HK2: variants seen among roughly 807,000 people sequenced by gnomAD.
HK2 encodes hexokinase 2, also known as hexokinase-2.
A neutral mutation model predicts 92.9 loss-of-function variants in HK2; 42 were observed. The ratio of observed to expected loss-of-function variants is 0.45; its 90% confidence interval spans 0.35 to 0.58. The LOEUF (loss-of-function observed/expected upper bound fraction) is 0.58. Ranked by LOEUF, HK2 falls within the 20% of genes least tolerant of loss-of-function variation. The pLI is 0.00. For synonymous variants in HK2, 422 were observed against 468.0 expected (o/e 0.90, Z 1.27); for missense variants, 978 against 1,245.1 (o/e 0.79, Z 3.23).
chr2:74,846,804 G>A (rs1688452726), intron 1 of HK2, among the ~76,000 whole-genome samples: 4 of 152,164 alleles, frequency 2.6e-5, no homozygotes, highest in Admixed American at 2.6e-4. Flanking sequence ...GAGCCACTGT[G>A]CCCATCCCAC....
intron 2 of HK2, among the ~76,000 whole-genome samples, chr2:74,856,359 T>A (rs1688695975): frequency 6.6e-6 from 1 of 152,122 alleles, no homozygotes; most frequent in Admixed American, 6.5e-5. Flanking sequence ...ATGACCTTGC[T>A]TAGGATTGTT....
At chr2:74,877,046 G>A (rs1016778912) in intron 7 of HK2, 120 bp from the exon 8 acceptor site, 16 of 1,356,120 alleles carry the variant, frequency 1.2e-5, no homozygotes, top group Middle Eastern at 2.5e-4. Context: ...CTCCTGGGCC[G>A]TGCTGCACAC....
intron 1 of HK2, among the ~76,000 whole-genome samples, chr2:74,835,591 G>A (rs1032677722): frequency 6.6e-6 from 1 of 150,698 alleles, no homozygotes; most frequent in Non-Finnish European, 1.5e-5. Flanking sequence ...CTCATTCCCC[G>A]CCTCGGGGTA....
intron 1 of HK2, among the ~76,000 whole-genome samples, chr2:74,851,742 TTGTCAGGTGTCACCCTCATGACAA>T (rs1295187499): frequency 6.6e-6 from 1 of 152,180 alleles, no homozygotes; most frequent in East Asian, 1.9e-4. Flanking sequence ...GAGAGTGTCT[TTGTCAGGTGTCACCCTCATGACAA>T]TGTTCAGAGA....
intron 8 of HK2, among the ~76,000 whole-genome samples, chr2:74,877,691 C>T (rs1046983235): frequency 1.3e-5 from 2 of 152,182 alleles, no homozygotes; most frequent in African/African-American, 4.8e-5. Flanking sequence ...ATTGGCAATT[C>T]TCAAAAAGGA....
rs549961459 is a variant in HK2 at position 74,881,844 on chromosome 2, C to A, written c.1704C>A (p.His568Gln). 2 of 1,614,158 alleles carry A rather than the reference C, an allele frequency of 1.2e-6. No individual in the cohort carries two copies. The highest frequency in any genetic ancestry group is 1.7e-6 in the Non-Finnish European group (2 of 1,180,006). ...KIYAIPQEVM[H>Q]GTGDELFDHI... ...ACGCCATCCCGCAGGAGGTCATGCA[C>A]GGCACCGGGGACGAGGTGAGCAGGG... The change falls in exon 11 of 18, where the codon CAC (histidine) becomes CAA (glutamine). Residue 568 changes from histidine (H) to glutamine (Q), a missense_variant. His to Gln is a conservative substitution (Grantham distance 24). This residue lies in a region of HK2 where 742 missense variants were observed against 922.5 expected (regional missense o/e 0.80). Coordinates refer to ENST00000290573, the MANE Select transcript of HK2 (RefSeq NM_000189.5).
chr2:74,854,774 A>G (rs1688655779), intron 2 of HK2, among the ~76,000 whole-genome samples: 1 of 152,196 alleles, frequency 6.6e-6, no homozygotes, highest in Non-Finnish European at 1.5e-5. Context: ...GCACGCAGTG[A>G]TGGTGATGAA....
chr2:74,867,689 T>C lies in HK2; in HGVS notation c.280T>C (p.Trp94Arg). The change falls in exon 3 of 18, where the codon TGG (tryptophan) becomes CGG (arginine). Residue 94 changes from tryptophan (W) to arginine (R), a missense_variant. By Grantham distance (101) the Trp-to-Arg change is moderately radical (BLOSUM62 -3). Coordinates refer to ENST00000290573, the MANE Select transcript of HK2 (RefSeq NM_000189.5). ...DLGGTNFRVL[W>R]VKVTDNGLQK... is the part of the protein sequence containing the mutation. Reference sequence around the variant, plus strand: ...TGGAGGGACCAACTTCCGTGTGCTTTGGGTGAAAGTAACGGACAATGGGCT... The same window carrying C: ...TGGAGGGACCAACTTCCGTGTGCTTCGGGTGAAAGTAACGGACAATGGGCT... 6.2e-7 allele frequency: 1 copy of C among 1,614,106 alleles called. No homozygotes were observed. The highest frequency in any genetic ancestry group is 8.5e-7 in the Non-Finnish European group (1 of 1,180,016).
chr2:74,882,160 A>G lies in HK2; in HGVS notation c.1760A>G (p.Glu587Gly). ...GTCCAGTGCATCGCGGACTTCCTCG[A>G]GTACATGGGCATGAAGGGCGTGTCC... ...HIVQCIADFLEYMGMKGVSLP... is the reference protein window; with the variant it reads ...HIVQCIADFLGYMGMKGVSLP... The change falls in exon 12 of 18, where the codon GAG becomes GGG. Residue 587 changes from glutamate (E) to glycine (G), a missense_variant. Transcript: ENST00000290573. 1 of 1,614,150 alleles carries G rather than the reference A, an allele frequency of 6.2e-7. No individual in the cohort carries two copies. The highest frequency in any genetic ancestry group is 8.5e-7 in the Non-Finnish European group (1 of 1,180,030).
At chr2:74,874,556 C>A in intron 7 of HK2, 107 bp downstream of exon 7, 1 of 1,124,946 alleles carries the variant, frequency 8.9e-7, no homozygotes. Context: ...ATCCCCAAAG[C>A]TTGCCAAGGT....
chr2:74,893,077 A>G lies in HK2; in HGVS notation c.*2136A>G, dbSNP rs1689722158. 1 of 145,972 alleles carries G rather than the reference A, an allele frequency of 6.9e-6. No individual in the cohort carries two copies. Among genetic ancestry groups the G allele is most frequent in the African/African-American group, 2.6e-5 (1 of 39,020 alleles). The allele number at this position is 145,972 out of a possible 1,614,324, so 9.0% of individuals were successfully genotyped here. A position where few individuals can be genotyped will look rare whatever the true frequency, so the allele number is the denominator to read the frequency against. ...GGTAGAGATGTGTGTGTGTGTAGGT[A>G]TTAAAGATGTGTTGTTGGTTTCCAA... On this transcript the variant is annotated 3_prime_UTR_variant, in exon 18 of 18. Transcript: ENST00000290573.
intron 12 of HK2, among the ~76,000 whole-genome samples, chr2:74,882,526 G>A (rs1283205523): frequency 2.0e-5 from 3 of 147,754 alleles, no homozygotes; most frequent in Non-Finnish European, 4.5e-5. Flanking sequence ...ACTTTGGGAG[G>A]CTGAGGCAGG....
Position 74,834,631 on chromosome 2 carries a change from C to G in HK2, c.51C>G (p.Asp17Glu). ...LAYFFTELNH[D>E]QVQKVDQYLY... Reference sequence around the variant, plus strand: ...ACTTCTTCACGGAGCTCAACCATGACCAAGTGCAGAAGGTAAGTCAGCGCG... The same window carrying G: ...ACTTCTTCACGGAGCTCAACCATGAGCAAGTGCAGAAGGTAAGTCAGCGCG... Residue 17 changes from aspartate (D) to glutamate (E), a missense_variant, in exon 1 of 18, where the codon GAC (aspartate) becomes GAG (glutamate). This residue lies in a region of HK2 where 47 missense variants were observed against 33.1 expected (regional missense o/e 1.42). Transcript: ENST00000290573. The surrounding 1 kb of genome is among the most constrained non-coding windows in gnomAD (Gnocchi z 4.2). The G allele has an allele frequency of 3.1e-6, 5 of 1,613,980 alleles. No individual in the cohort carries two copies. Among genetic ancestry groups the G allele is most frequent in the Non-Finnish European group, 4.2e-6 (5 of 1,179,872 alleles).
At chr2:74,859,010 A>G (rs928040774) in intron 2 of HK2, among the ~76,000 whole-genome samples, 38 of 152,226 alleles carry the variant, frequency 2.5e-4, no homozygotes, top group Non-Finnish European at 5.1e-4. Flanking sequence ...CGGTCCAGGA[A>G]TGTCTTACTC....
intron 3 of HK2, 56 bp downstream of exon 3, chr2:74,867,840 C>T: frequency 1.3e-6 from 2 of 1,593,198 alleles, no homozygotes; most frequent in South Asian, 2.2e-5. Context: ...TTGGCATGTT[C>T]TTTCTGTACT....
intron 5 of HK2, 133 bp from the exon 6 acceptor site, chr2:74,873,711 G>T: frequency 2.8e-6 from 2 of 707,742 alleles, no homozygotes; most frequent in South Asian, 1.5e-5. Flanking sequence ...CTTATCACAG[G>T]AGGAGTTATG....
chr2:74,886,198 A>T, intron 13 of HK2, 96 bp from the exon 14 acceptor site: 1 of 886,976 alleles, frequency 1.1e-6, no homozygotes, highest in Non-Finnish European at 1.9e-6. Context: ...GGTGTATGAT[A>T]TATATTTTAT....
chr2:74,834,360 G>A lies in HK2; in HGVS notation c.-221G>A, dbSNP rs999900894. 1.8e-5 allele frequency: 11 copies of A among 612,798 alleles called. No homozygotes were observed. Among genetic ancestry groups the A allele is most frequent in the Non-Finnish European group, 2.6e-5 (9 of 339,910 alleles). The allele number at this position is 612,798 out of a possible 1,614,324, so 38.0% of individuals were successfully genotyped here. ...CACGTCGCCAGGAGAGAACTGAGGC[G>A]CCTTCTAGCAGTTGTGACGCCAAAA... is the stretch of plus-strand genomic sequence containing the variant. On this transcript the variant is annotated 5_prime_UTR_variant, in exon 1 of 18. Coordinates refer to ENST00000290573, the MANE Select transcript of HK2 (RefSeq NM_000189.5). This position sits in a 1 kb window ranked among gnomAD's most constrained non-coding sequence, Gnocchi z 4.2.
intron 1 of HK2, among the ~76,000 whole-genome samples, chr2:74,839,841 A>G (rs1394415967): frequency 6.7e-6 from 1 of 148,642 alleles, no homozygotes; most frequent in Admixed American, 6.7e-5. Context: ...TTTAGTAGAG[A>G]TGGGGTTTCA....
Sources: gnomAD v4.1 joint callset for allele counts (sites outside exome capture counted in the v4.1 genomes callset) on GRCh38, gnomAD v4.1.1 for gene constraint, gnomAD v4.1.1 regional missense constraint, Gnocchi (gnomAD v3.1) non-coding constraint, MANE v1.5 for transcripts, NCBI Gene and HGNC (gene_info 2026-07-23, HGNC 2026-07-21) for gene names.